The following SLC15A5 variants were observed in gnomAD, a reference collection of about 807,000 sequenced individuals.
The protein encoded by SLC15A5 is Peptide/histidine transporter ENSP00000340402.
In SLC15A5, 58 loss-of-function variants were observed where a neutral mutation model predicts 56.1. That is an observed-to-expected ratio of 1.03 (90% CI 0.84 to 1.29). The LOEUF (loss-of-function observed/expected upper bound fraction) is 1.29. Among genes scored for constraint, SLC15A5 ranks in the 50% most tolerant of loss-of-function variants. SLC15A5 has a pLI of 0.00. For missense variants in SLC15A5, 681 were observed against 672.1 expected, an observed-to-expected ratio of 1.01 and a Z score of -0.15; for synonymous variants, 264 against 250.5, an observed-to-expected ratio of 1.05 and a Z score of -0.51.
chr12:16,190,576 G>T (rs1863830519), intron 8 of SLC15A5, among the ~76,000 whole-genome samples: 1 of 152,082 alleles, frequency 6.6e-6, no homozygotes, highest in Admixed American at 6.6e-5. Context: ...CATAGTAGAT[G>T]TTCAATAAAT....
intron 7 of SLC15A5, among the ~76,000 whole-genome samples, chr12:16,210,682 A>C (rs1029966207): frequency 6.6e-6 from 1 of 152,160 alleles, no homozygotes; most frequent in Non-Finnish European, 1.5e-5. Context: ...TTAAGTAATG[A>C]GCTCAAGACC....
intron 5 of SLC15A5, among the ~76,000 whole-genome samples, chr12:16,226,388 C>CAATGTTTT (rs1199750750): frequency 6.6e-6 from 1 of 151,902 alleles, no homozygotes; most frequent in Non-Finnish European, 1.5e-5. Flanking sequence ...GAAGATAAAG[C>CAATGTTTT]AATGTTTTAA....
intron 5 of SLC15A5, among the ~76,000 whole-genome samples, chr12:16,225,491 A>G (rs1864231908): frequency 6.6e-6 from 1 of 152,246 alleles, no homozygotes; most frequent in Non-Finnish European, 1.5e-5. Flanking sequence ...GCACAGCAAA[A>G]GAAACTATCA....
chr12:16,257,913 G>T (rs1013020089), intron 2 of SLC15A5, 43 bp from the exon 3 acceptor site: 10 of 1,322,438 alleles, frequency 7.6e-6, no homozygotes, highest in Non-Finnish European at 7.7e-6. Flanking sequence ...CCATTGAATT[G>T]CTTTAGATAA....
intron 6 of SLC15A5, among the ~76,000 whole-genome samples, chr12:16,221,690 G>A (rs546620387): frequency 6.7e-4 from 102 of 152,290 alleles, no homozygotes; most frequent in African/African-American, 2.2e-3. Flanking sequence ...CACCACAACT[G>A]TTTTGAAGAG....
Position 16,269,349 on chromosome 12 carries a change from G to T in SLC15A5, c.584+3212C>A, listed in dbSNP as rs1864726901. Among the ~76,000 whole-genome samples the T allele has an allele frequency of 6.6e-6, 1 of 152,040 alleles. No homozygotes were observed. The highest frequency in any genetic ancestry group is 2.1e-4 in the South Asian group (1 of 4,828). ...GAACAGTGGTTCTCAACTCTAACTG[G>T]GCAGCTTTAAAAAATCCTGGTCCCT... On this transcript the variant is annotated intron_variant, in intron 2 of 8. Coordinates refer to ENST00000344941, the MANE Select transcript of SLC15A5 (RefSeq NM_001170798.1). This position sits in a 1 kb window ranked among gnomAD's most constrained non-coding sequence, Gnocchi z 4.7.
At chr12:16,197,497 T>C (rs555954660) in intron 7 of SLC15A5, among the ~76,000 whole-genome samples, 1 of 152,254 alleles carries the variant, frequency 6.6e-6, no homozygotes, top group South Asian at 2.1e-4. Context: ...AGTGTAGTCG[T>C]TGGGCAAATA....
intron 7 of SLC15A5, among the ~76,000 whole-genome samples, chr12:16,194,753 C>G (rs1565654806): frequency 1.3e-5 from 2 of 151,972 alleles, no homozygotes; most frequent in East Asian, 3.9e-4. Context: ...CTTGCAGGAG[C>G]CATGTGTGTA....
At chr12:16,226,974 T>A (rs893127668) in intron 5 of SLC15A5, among the ~76,000 whole-genome samples, 1 of 152,186 alleles carries the variant, frequency 6.6e-6, no homozygotes, top group African/African-American at 2.4e-5. Context: ...ATCAATCTAA[T>A]GTTTAAATAG....
intron 5 of SLC15A5, among the ~76,000 whole-genome samples, chr12:16,228,388 GA>G (rs34872125): frequency 0.014 from 2,178 of 152,312 alleles, 52 homozygotes; most frequent in African/African-American, 0.05. Context: ...TCATGTGTAA[GA>G]AAAGGTTTCA....
intron 5 of SLC15A5, among the ~76,000 whole-genome samples, chr12:16,228,835 TATTG>T (rs3028517): frequency 0.49 from 73,674 of 151,648 alleles, 18,806 homozygotes; most frequent in South Asian, 0.73. Context: ...ATAAAATGTA[TATTG>T]ATTGTTTATG....
chr12:16,259,192 C>A (rs1309373578), intron 2 of SLC15A5, among the ~76,000 whole-genome samples: 2 of 124,916 alleles, frequency 1.6e-5, no homozygotes, highest in Non-Finnish European at 3.5e-5. Context: ...CACTACCATA[C>A]CTGGTAATTT....
chr12:16,244,434 C>G (rs923057900), intron 4 of SLC15A5, 146 bp downstream of exon 4: 10 of 723,918 alleles, frequency 1.4e-5, no homozygotes, highest in Admixed American at 2.3e-5. Context: ...AAATCAGAGC[C>G]TGTAATGATG....
In SLC15A5 at chr12:16,216,586, G is replaced by T. The variant is rs1864131565; in HGVS notation, c.1483+307C>A. Reference sequence around the variant, plus strand: ...CTTTTTCTGAGGACTGTCTATGCCAGCTGTGAGGCATTATTGCATATGGTC... The same window carrying T: ...CTTTTTCTGAGGACTGTCTATGCCATCTGTGAGGCATTATTGCATATGGTC... On this transcript the variant is annotated intron_variant, in intron 7 of 8. Transcript: ENST00000344941. Among the ~76,000 whole-genome samples the T allele has an allele frequency of 2.0e-5, 3 of 152,112 alleles. No homozygotes were observed. In the South Asian group the frequency reaches 6.2e-4, roughly 32 times the overall value.
rs1348029533 is a variant in SLC15A5, at chr12:16,219,891, GTCT to G, written c.1352-2870_1352-2868del. Among the ~76,000 whole-genome samples the G allele has an allele frequency of 3.3e-5, 5 of 152,078 alleles. No individual in the cohort carries two copies. The South Asian group carries it at 6.2e-4, about 19-fold the overall frequency. On this transcript the variant is annotated intron_variant, in intron 6 of 8. Transcript: ENST00000344941. ...ATATTCAGTGTGTACGTGAAAGCTG[GTCT>G]TCTTGCCAATGAGCGCTAAAAATGT...
At position 16,215,213 on chromosome 12, in the gene SLC15A5, A is replaced by C. The variant is rs1373781635; in HGVS notation, c.1483+1680T>G. On this transcript the variant is annotated intron_variant, in intron 7 of 8. Coordinates refer to ENST00000344941, the MANE Select transcript of SLC15A5 (RefSeq NM_001170798.1). ...GTGAGACTCTTTCTCAAAAAAAAAA[A>C]AAAAAAAAAAAAAAAACCAAAGTGA... is the stretch of plus-strand genomic sequence containing the variant. Among the ~76,000 whole-genome samples, 18 of 141,534 alleles carry C rather than the reference A, an allele frequency of 1.3e-4. No homozygotes were observed. In the East Asian group the frequency reaches 1.9e-3, roughly 15 times the overall value. The allele number at this position is 141,534 out of a possible 152,430, so 92.9% of individuals were successfully genotyped here.
At chr12:16,208,035 C>T (rs1355503977) in intron 7 of SLC15A5, among the ~76,000 whole-genome samples, 3 of 152,166 alleles carry the variant, frequency 2.0e-5, no homozygotes, top group Admixed American at 2.0e-4. Flanking sequence ...TCTTCCAACT[C>T]CCCATTCTCA....
chr12:16,223,673 A>G (rs1274820759), intron 6 of SLC15A5, among the ~76,000 whole-genome samples: 1 of 152,082 alleles, frequency 6.6e-6, no homozygotes, highest in Non-Finnish European at 1.5e-5. Flanking sequence ...GCATGTTTAT[A>G]TACTCTCAAA....
chr12:16,267,937 G>C lies in SLC15A5; in HGVS notation c.584+4624C>G, dbSNP rs574380921. On this transcript the variant is annotated intron_variant, in intron 2 of 8. Transcript: ENST00000344941. ...AAAAATGTTTTTTTGGTAGAGATGG[G>C]GTTACTCAGGCTTGTCTCGAACCCC... Among the ~76,000 whole-genome samples the C allele has an allele frequency of 4.1e-4, 46 of 110,964 alleles. 10 individuals carry two copies. Among genetic ancestry groups the C allele is most frequent in the African/African-American group, 1.6e-3 (45 of 28,060 alleles). The allele number at this position is 110,964 out of a possible 152,430, so 72.8% of individuals were successfully genotyped here. A position where few individuals can be genotyped will look rare whatever the true frequency, so the allele number is the denominator to read the frequency against.
Sources: gnomAD v4.1 joint callset for allele counts (sites outside exome capture counted in the v4.1 genomes callset) on GRCh38, gnomAD v4.1.1 for gene constraint, Gnocchi (gnomAD v3.1) non-coding constraint, MANE v1.5 for transcripts, NCBI Gene and HGNC (gene_info 2026-07-23, HGNC 2026-07-21) for gene names.